Variants in KIF13A observed in about 807,000 individuals in gnomAD.
KIF13A encodes kinesin family member 13A, also known as kinesin-like protein KIF13A.
KIF13A carries 79 observed loss-of-function variants against 212.2 expected under a neutral mutation model. The ratio of observed to expected loss-of-function variants is 0.37; its 90% CI spans 0.31 to 0.45. The LOEUF is 0.45. Among genes scored for constraint, KIF13A ranks in the 20% least tolerant of loss-of-function variants. The pLI is 1.00. For missense variants in KIF13A, 1,901 were observed against 2,209.0 expected, an observed-to-expected ratio of 0.86 and a Z score of 2.79; for synonymous variants, 789 against 808.6, an observed-to-expected ratio of 0.98 and a Z score of 0.41.
chr6:17,881,420 T>A (rs1771047865), intron 3 of KIF13A: 1 of 426,560 alleles, frequency 2.3e-6, no homozygotes, highest in East Asian at 7.0e-5. Context: ...CTGATGGCAT[T>A]TCAGCAAAAG....
At chr6:17,889,910 C>T (rs1317102928) in intron 3 of KIF13A, among the ~76,000 whole-genome samples, 5 of 152,040 alleles carry the variant, frequency 3.3e-5, no homozygotes, top group Admixed American at 6.6e-5. Flanking sequence ...TTTGGGAGGC[C>T]GAGGCAGGCA....
chr6:17,970,764 G>C (rs909444979), intron 2 of KIF13A, among the ~76,000 whole-genome samples: 2 of 152,174 alleles, frequency 1.3e-5, no homozygotes, highest in Non-Finnish European at 2.9e-5. Context: ...GTACTGAACA[G>C]ACATAGGTTA....
chr6:17,972,398 C>A (rs1022496462), intron 2 of KIF13A, among the ~76,000 whole-genome samples: 1 of 152,300 alleles, frequency 6.6e-6, no homozygotes, highest in African/African-American at 2.4e-5. Context: ...AAAAACCTTA[C>A]AAAGGTCCAA....
Position 17,776,972 on chromosome 6 carries a change from G to A in KIF13A, c.4170+305C>T, listed in dbSNP as rs1760039275. Among the ~76,000 whole-genome samples, 2 of 152,146 alleles carry A rather than the reference G, an allele frequency of 1.3e-5. No individual in the cohort carries two copies. Among genetic ancestry groups the A allele is most frequent in the South Asian group, 4.1e-4 (2 of 4,822 alleles). ...GACCCTGGAGCAGCCAGCGTCCAGG[G>A]ACTCGGGTGCAAGTATTCATAGCTG... On this transcript the variant is annotated intron_variant, in intron 34 of 38. Coordinates refer to ENST00000259711, the MANE Select transcript of KIF13A (RefSeq NM_022113.6). This position sits in a 1 kb window ranked among gnomAD's most constrained non-coding sequence, Gnocchi z 4.6.
chr6:17,806,608 G>A (rs938906927), intron 18 of KIF13A, among the ~76,000 whole-genome samples: 1 of 152,014 alleles, frequency 6.6e-6, no homozygotes, highest in Non-Finnish European at 1.5e-5. Context: ...GGCTGGGCAC[G>A]GTGGCTCATG....
intron 2 of KIF13A, among the ~76,000 whole-genome samples, chr6:17,979,638 A>T (rs1287471222): frequency 6.6e-6 from 1 of 152,188 alleles, no homozygotes; most frequent in Non-Finnish European, 1.5e-5. Flanking sequence ...CTTAACATAA[A>T]ATATACCAAA....
Position 17,972,966 on chromosome 6 carries a change from T to C in KIF13A, c.146+14088A>G, listed in dbSNP as rs370737157. ...ACAGACCAGACCCTGAAGAGCCCCA[T>C]GGAATCAATAACCACTTTGCTTTTG... On this transcript the variant is annotated intron_variant, in intron 2 of 38. Coordinates refer to ENST00000259711, the MANE Select transcript of KIF13A (RefSeq NM_022113.6). 4.9e-4 allele frequency among the ~76,000 whole-genome samples: 75 copies of C among 151,856 alleles called. No individual in the cohort carries two copies. In the South Asian group the frequency reaches 0.015, roughly 30 times the overall value.
chr6:17,971,901 T>C lies in KIF13A; in HGVS notation c.146+15153A>G, dbSNP rs1465339833. ...AACCAAAACTAGTTAAATAATAATCTAGCTAGAGAGCTTAAAAAAAATGTC... is the reference window on the plus strand; with the variant it reads ...AACCAAAACTAGTTAAATAATAATCCAGCTAGAGAGCTTAAAAAAAATGTC... On this transcript the variant is annotated intron_variant, in intron 2 of 38. Transcript: ENST00000259711. This position sits in a 1 kb window ranked among gnomAD's most constrained non-coding sequence, Gnocchi z 4.2. Among the ~76,000 whole-genome samples, 2 of 152,120 alleles carry C rather than the reference T, an allele frequency of 1.3e-5. No individual in the cohort carries two copies. Among genetic ancestry groups the C allele is most frequent in the African/African-American group, 4.8e-5 (2 of 41,418 alleles).
At position 17,918,126 on chromosome 6, in the gene KIF13A, G is replaced by C. The variant is rs1774713168; in HGVS notation, c.147-19946C>G. On this transcript the variant is annotated intron_variant, in intron 2 of 38. Transcript: ENST00000259711. The surrounding 1 kb of genome is among the most constrained non-coding windows in gnomAD (Gnocchi z 4.8). ...CAGGATGCCTAGGTCTGCCCTGCTT[G>C]GTGTCATGGACCCCACACCAGGCAC... Among the ~76,000 whole-genome samples, 1 of 151,956 alleles carries C rather than the reference G, an allele frequency of 6.6e-6. No homozygotes were observed. The highest frequency in any genetic ancestry group is 2.4e-5 in the African/African-American group (1 of 41,356).
chr6:17,860,007 C>T (rs781132650), intron 4 of KIF13A, among the ~76,000 whole-genome samples: 9 of 152,030 alleles, frequency 5.9e-5, no homozygotes, highest in Non-Finnish European at 1.2e-4. Flanking sequence ...AAGTCACTTG[C>T]CCAAGATCTC....
rs1383194872 is a variant in KIF13A at position 17,947,318 on chromosome 6, CTTCT to C, written c.146+39732_146+39735del. On this transcript the variant is annotated intron_variant, in intron 2 of 38. Coordinates refer to ENST00000259711, the MANE Select transcript of KIF13A (RefSeq NM_022113.6). This position sits in a 1 kb window ranked among gnomAD's most constrained non-coding sequence, Gnocchi z 4.6. The stretch of plus-strand genomic sequence containing the variant: ...TGAAACCAAATATATAAGTTATATA[CTTCT>C]TTATTATACATGCAATGAATTTTTT... 6.6e-6 allele frequency among the ~76,000 whole-genome samples: 1 copy of C among 152,048 alleles called. No homozygotes were observed. Among genetic ancestry groups the C allele is most frequent in the African/African-American group, 2.4e-5 (1 of 41,388 alleles).
chr6:17,775,655 G>C (rs1759898513), intron 34 of KIF13A, among the ~76,000 whole-genome samples: 1 of 152,026 alleles, frequency 6.6e-6, no homozygotes, highest in Non-Finnish European at 1.5e-5. Context: ...CTGTATTCAG[G>C]TTTTCTATTT....
At position 17,825,528 on chromosome 6, in the gene KIF13A, G is replaced by A. The variant is rs193167808; in HGVS notation, c.1786+240C>T. Among the ~76,000 whole-genome samples, 104 of 152,230 alleles carry A rather than the reference G, an allele frequency of 6.8e-4. No homozygotes were observed. Among genetic ancestry groups the A allele is most frequent in the African/African-American group, 2.4e-3 (101 of 41,532 alleles). ...GCCCGTGGAAATGTCACCACAATTC[G>A]CTTGGGAATAAGAGGTCTCAAAAAC... On this transcript the variant is annotated intron_variant, in intron 16 of 38. Coordinates refer to ENST00000259711, the MANE Select transcript of KIF13A (RefSeq NM_022113.6). This position sits in a 1 kb window ranked among gnomAD's most constrained non-coding sequence, Gnocchi z 4.5.
chr6:17,894,444 A>G (rs1413426028), intron 3 of KIF13A, among the ~76,000 whole-genome samples: 2 of 152,172 alleles, frequency 1.3e-5, no homozygotes, highest in Admixed American at 1.3e-4. Flanking sequence ...TGATATGATC[A>G]CATAGTTTTT....
At chr6:17,866,577 G>C (rs1354665612) in intron 4 of KIF13A, among the ~76,000 whole-genome samples, 1 of 152,032 alleles carries the variant, frequency 6.6e-6, no homozygotes, top group African/African-American at 2.4e-5. Context: ...GTTTCTACCT[G>C]ACTGGGTGCT....
chr6:17,845,837 A>G (rs1252174570), intron 9 of KIF13A, among the ~76,000 whole-genome samples: 1 of 152,184 alleles, frequency 6.6e-6, no homozygotes, highest in Non-Finnish European at 1.5e-5. Context: ...GAAAGGAGTA[A>G]CATGTGCTTA....
intron 2 of KIF13A, among the ~76,000 whole-genome samples, chr6:17,939,528 A>G (rs1309103576): frequency 6.6e-6 from 1 of 152,212 alleles, no homozygotes; most frequent in Non-Finnish European, 1.5e-5. Context: ...AGGGCTGGGT[A>G]AAATAAGGCT....
At chr6:17,956,267 C>T (rs1386095030) in intron 2 of KIF13A, among the ~76,000 whole-genome samples, 1 of 152,136 alleles carries the variant, frequency 6.6e-6, no homozygotes, top group Non-Finnish European at 1.5e-5. Context: ...CAATCTGGCT[C>T]CAGAGTCTGT....
rs1308070881 is a variant in KIF13A, at chr6:17,794,997, G to A, written c.2943-293C>T. On this transcript the variant is annotated intron_variant, in intron 23 of 38. Coordinates refer to ENST00000259711, the MANE Select transcript of KIF13A (RefSeq NM_022113.6). The surrounding 1 kb of genome is among the most constrained non-coding windows in gnomAD (Gnocchi z 4.1). ...ATCACCTCAGAAAGTTTGCTCATATGCATTCCCATTCAATCCCCACATTCC... is the reference window on the plus strand; with the variant it reads ...ATCACCTCAGAAAGTTTGCTCATATACATTCCCATTCAATCCCCACATTCC... 6.9e-6 allele frequency: 2 copies of A among 289,964 alleles called. No homozygotes were observed. The highest frequency in any genetic ancestry group is 1.3e-5 in the Non-Finnish European group (2 of 156,494). 18.0% of individuals were successfully genotyped at this position (289,964 alleles called of 1,614,324 possible).
Sources: gnomAD v4.1 joint callset for allele counts (sites outside exome capture counted in the v4.1 genomes callset) on GRCh38, gnomAD v4.1.1 for gene constraint, Gnocchi (gnomAD v3.1) non-coding constraint, MANE v1.5 for transcripts, NCBI Gene and HGNC (gene_info 2026-07-23, HGNC 2026-07-21) for gene names.